RARB: variants seen among roughly 807,000 people sequenced by gnomAD.
RARB encodes retinoic acid receptor beta.
RARB carries 17 observed loss-of-function variants against 51.9 expected under a neutral mutation model. The ratio of observed to expected loss-of-function variants is 0.33; its 90% CI spans 0.22 to 0.49. The LOEUF (loss-of-function observed/expected upper bound fraction) is 0.49. Among genes scored for constraint, RARB ranks in the 20% least tolerant of loss-of-function variants. The probability of loss-of-function intolerance (pLI) is 0.99; values close to 1 mark genes in which losing one functional copy is unlikely to be tolerated. For missense variants in RARB, 369 were observed against 550.8 expected, an observed-to-expected ratio of 0.67 and a Z score of 3.30; for synonymous variants, 215 against 195.4, an observed-to-expected ratio of 1.10 and a Z score of -0.84.
chr3:25,336,273 T>C (rs1043673228), intron 5 of RARB, among the ~76,000 whole-genome samples: 1 of 152,228 alleles, frequency 6.6e-6, no homozygotes, highest in Non-Finnish European at 1.5e-5. Flanking sequence ...CTTTTAGAGA[T>C]ATAGTCTATT....
At chr3:25,119,104 T>A (rs1486673894) in intron 3 of RARB, among the ~76,000 whole-genome samples, 4 of 152,184 alleles carry the variant, frequency 2.6e-5, no homozygotes, top group African/African-American at 4.8e-5. Flanking sequence ...ATTTTTTCAT[T>A]ACAAAGCAAG....
intron 2 of RARB, among the ~76,000 whole-genome samples, chr3:24,940,646 G>A (rs989241164): frequency 6.6e-6 from 1 of 152,084 alleles, no homozygotes; most frequent in Admixed American, 6.6e-5. Context: ...TCCTGTCCAT[G>A]TGTGTTCTTA....
chr3:25,016,043 G>A (rs1413839386), intron 2 of RARB, among the ~76,000 whole-genome samples: 1 of 152,122 alleles, frequency 6.6e-6, no homozygotes. Context: ...GTCTTTGGTG[G>A]AACAATGGGT....
chr3:25,299,756 AAAAAAAAT>A (rs1161574273), intron 5 of RARB, among the ~76,000 whole-genome samples: 2 of 142,130 alleles, frequency 1.4e-5, no homozygotes, highest in African/African-American at 5.6e-5. Flanking sequence ...CTGTGGCACC[AAAAAAAAT>A]AAATAAATAA....
At chr3:25,465,656 T>C (rs1372463582) in intron 2 of RARB, among the ~76,000 whole-genome samples, 1 of 152,168 alleles carries the variant, frequency 6.6e-6, no homozygotes, top group East Asian at 1.9e-4. Flanking sequence ...GCTGCTGTAT[T>C]GACACAGCAT....
intron 3 of RARB, among the ~76,000 whole-genome samples, chr3:25,103,893 T>C (rs548617570): frequency 3.9e-5 from 6 of 152,336 alleles, no homozygotes; most frequent in Non-Finnish European, 8.8e-5. Context: ...CTTGTGAGTT[T>C]ATTCTGATTG....
Position 25,010,126 on chromosome 3 carries a change from CT to C in RARB, c.-379-49991del, listed in dbSNP as rs376715415. On this transcript the variant is annotated intron_variant, in intron 2 of 11. Transcript: ENST00000383772. ...TTTTTCTTGTAATATTGGGTCCCAA[CT>C]TTTTTTTATACCGAGGCCAGGACAG... is the stretch of plus-strand genomic sequence containing the variant. Among the ~76,000 whole-genome samples, 25 of 138,272 alleles carry C rather than the reference CT, an allele frequency of 1.8e-4. No homozygotes were observed. The East Asian group carries it at 4.0e-3, about 22-fold the overall frequency. The allele number at this position is 138,272 out of a possible 152,430, so 90.7% of individuals were successfully genotyped here.
At chr3:25,024,003 A>G (rs763495268) in intron 2 of RARB, among the ~76,000 whole-genome samples, 3 of 152,144 alleles carry the variant, frequency 2.0e-5, no homozygotes, top group African/African-American at 4.8e-5. Flanking sequence ...GTTGTTTTCT[A>G]CATCTGTGAA....
intron 2 of RARB, among the ~76,000 whole-genome samples, chr3:25,466,376 A>C (rs1467856886): frequency 6.6e-6 from 1 of 152,098 alleles, no homozygotes; most frequent in Non-Finnish European, 1.5e-5. Flanking sequence ...TTGTATTTTT[A>C]GTAGAGACGG....
intron 3 of RARB, among the ~76,000 whole-genome samples, chr3:25,110,463 C>G (rs757807075): frequency 2.6e-5 from 4 of 152,186 alleles, no homozygotes; most frequent in Non-Finnish European, 4.4e-5. Context: ...ATTTTAATTA[C>G]TTTTTCCTGC....
chr3:25,572,430 T>C (rs1202285050), intron 4 of RARB, among the ~76,000 whole-genome samples: 1 of 152,206 alleles, frequency 6.6e-6, no homozygotes, highest in Non-Finnish European at 1.5e-5. Flanking sequence ...GTTGCCCTCA[T>C]ATTACAGATG....
chr3:25,229,885 C>T (rs1214283905), intron 5 of RARB, among the ~76,000 whole-genome samples: 1 of 152,026 alleles, frequency 6.6e-6, no homozygotes, highest in Non-Finnish European at 1.5e-5. Context: ...ACAGGTCACC[C>T]AACTGAAGCT....
chr3:25,435,949 A>G (rs1383097075), intron 1 of RARB, among the ~76,000 whole-genome samples: 6 of 152,336 alleles, frequency 3.9e-5, no homozygotes, highest in South Asian at 4.1e-4. Context: ...AATCACGATT[A>G]ATGCCTAGAA....
intron 5 of RARB, among the ~76,000 whole-genome samples, chr3:25,310,746 T>C (rs1404641259): frequency 6.6e-6 from 1 of 152,196 alleles, no homozygotes; most frequent in East Asian, 1.9e-4. Flanking sequence ...CACTCTATAC[T>C]GTCTGTGCCA....
intron 2 of RARB, among the ~76,000 whole-genome samples, chr3:24,925,318 T>C (rs946220255): frequency 1.3e-5 from 2 of 152,030 alleles, no homozygotes; most frequent in African/African-American, 2.4e-5. Flanking sequence ...CAGATTAATA[T>C]TTTGCCATTT....
At chr3:25,095,776 A>G (rs965598238) in intron 3 of RARB, among the ~76,000 whole-genome samples, 1 of 152,180 alleles carries the variant, frequency 6.6e-6, no homozygotes, top group Non-Finnish European at 1.5e-5. Flanking sequence ...CTGGAGAAGA[A>G]TGATAGAAAT....
intron 5 of RARB, among the ~76,000 whole-genome samples, chr3:25,370,993 C>T (rs1108138): frequency 0.19 from 28,750 of 152,132 alleles, 3,545 homozygotes; most frequent in Admixed American, 0.33. Context: ...TCTTCATTCA[C>T]GTATCTCCTC....
At chr3:25,031,987 A>T (rs1697886153) in intron 2 of RARB, among the ~76,000 whole-genome samples, 1 of 152,208 alleles carries the variant, frequency 6.6e-6, no homozygotes, top group Admixed American at 6.5e-5. Context: ...ATTATTCCTC[A>T]GAGAGTTTGC....
At chr3:25,217,884 C>T (rs1438377847) in intron 5 of RARB, among the ~76,000 whole-genome samples, 2 of 152,028 alleles carry the variant, frequency 1.3e-5, no homozygotes, top group Non-Finnish European at 2.9e-5. Context: ...CATAGGCAAA[C>T]TTATGAGAAA....
Sources: allele counts gnomAD v4.1 joint callset (sites outside exome capture counted in the v4.1 genomes callset), GRCh38; gene constraint gnomAD v4.1.1; transcripts MANE v1.5; gene names NCBI Gene and HGNC (gene_info 2026-07-23, HGNC 2026-07-21).